Variants in NDST4 observed in about 807,000 individuals in gnomAD.
The protein encoded by NDST4 is N-heparan sulfate sulfotransferase 4.
Under a neutral mutation model 100.8 loss-of-function variants are expected in NDST4, and 63 were observed. The observed-to-expected ratio is 0.62, with a 90% CI of 0.51 to 0.77. The LOEUF (loss-of-function observed/expected upper bound fraction) is 0.77. NDST4 is among the 30% of genes least tolerant of loss of function. The pLI is 0.00. For missense variants in NDST4, 943 were observed against 1,018.4 expected (o/e 0.93, Z 1.01); for synonymous variants, 377 against 361.8 (o/e 1.04, Z -0.48).
At chr4:114,939,451 A>T (rs1170432821) in intron 4 of NDST4, among the ~76,000 whole-genome samples, 1 of 152,142 alleles carries the variant, frequency 6.6e-6, no homozygotes, top group Admixed American at 6.5e-5. Flanking sequence ...CAGTGTACAA[A>T]TCCTAATAGT....
At chr4:114,993,207 T>C (rs1727078349) in intron 2 of NDST4, among the ~76,000 whole-genome samples, 1 of 151,842 alleles carries the variant, frequency 6.6e-6, no homozygotes, top group Admixed American at 6.6e-5. Context: ...GATGCTAAGA[T>C]CCTAGGATTT....
intron 2 of NDST4, among the ~76,000 whole-genome samples, chr4:115,071,117 C>G (rs1729067709): frequency 6.6e-6 from 1 of 151,140 alleles, no homozygotes; most frequent in African/African-American, 2.4e-5. Context: ...TCAAAAAATA[C>G]TAATAATGAA....
At position 114,921,992 on chromosome 4, in the gene NDST4, T is replaced by G. The variant is rs1002639347; in HGVS notation, c.1536+13214A>C. 2.0e-5 allele frequency among the ~76,000 whole-genome samples: 3 copies of G among 149,182 alleles called. No individual in the cohort carries two copies. In the South Asian group the frequency reaches 6.3e-4, roughly 31 times the overall value. ...ACAACATTAACAATTCATGTGAAAG[T>G]GTTACAGTCGGTAGTTAGTCAGACC... On this transcript the variant is annotated intron_variant, in intron 6 of 13. Coordinates refer to ENST00000264363, the MANE Select transcript of NDST4 (RefSeq NM_022569.3).
At chr4:115,065,058 T>G (rs1314630909) in intron 2 of NDST4, among the ~76,000 whole-genome samples, 1 of 152,130 alleles carries the variant, frequency 6.6e-6, no homozygotes, top group African/African-American at 2.4e-5. Flanking sequence ...CTGAAAACAA[T>G]AGTGATGACA....
chr4:114,946,822 T>C (rs1725876461), intron 4 of NDST4, among the ~76,000 whole-genome samples: 1 of 152,202 alleles, frequency 6.6e-6, no homozygotes, highest in East Asian at 1.9e-4. Flanking sequence ...GGTTTTTACA[T>C]AAAAACATTG....
intron 1 of NDST4, among the ~76,000 whole-genome samples, chr4:115,089,784 C>G (rs1054726778): frequency 6.6e-6 from 1 of 151,748 alleles, no homozygotes; most frequent in African/African-American, 2.4e-5. Context: ...GAACAATGAT[C>G]TCAGAATCAA....
chr4:114,930,027 G>A (rs1036757), intron 6 of NDST4, among the ~76,000 whole-genome samples: 1 of 151,990 alleles, frequency 6.6e-6, no homozygotes, highest in Non-Finnish European at 1.5e-5. Flanking sequence ...GTATGATGAA[G>A]TGACTCTTAC....
intron 2 of NDST4, among the ~76,000 whole-genome samples, chr4:115,004,312 C>G (rs1418112904): frequency 6.6e-6 from 1 of 152,140 alleles, no homozygotes; most frequent in Non-Finnish European, 1.5e-5. Flanking sequence ...AAATTTGTAT[C>G]ATGATTTACC....
intron 6 of NDST4, among the ~76,000 whole-genome samples, chr4:114,893,818 C>T (rs1310707957): frequency 6.6e-6 from 1 of 152,092 alleles, no homozygotes; most frequent in African/African-American, 2.4e-5. Flanking sequence ...TTTGCCCATG[C>T]CTATGTCCTG....
chr4:115,019,196 A>C (rs1727754016), intron 2 of NDST4, among the ~76,000 whole-genome samples: 1 of 152,098 alleles, frequency 6.6e-6, no homozygotes, highest in Admixed American at 6.6e-5. Context: ...TGGCAAGTAT[A>C]TAATCTGAGC....
chr4:114,990,866 G>A (rs1356456638), intron 2 of NDST4, among the ~76,000 whole-genome samples: 3 of 151,980 alleles, frequency 2.0e-5, no homozygotes, highest in African/African-American at 7.2e-5. Flanking sequence ...ACGCACCGAG[G>A]CATTTCGCTG....
chr4:114,959,336 G>A (rs967852879), intron 4 of NDST4, among the ~76,000 whole-genome samples: 1 of 151,370 alleles, frequency 6.6e-6, no homozygotes, highest in African/African-American at 2.5e-5. Flanking sequence ...TCAATTTACT[G>A]TATTAGCTCA....
chr4:115,098,433 C>T (rs1258109058), intron 1 of NDST4, among the ~76,000 whole-genome samples: 1 of 151,992 alleles, frequency 6.6e-6, no homozygotes, highest in East Asian at 1.9e-4. Context: ...TAATTAGTTA[C>T]AATAGTCCAG....
chr4:115,043,317 G>C (rs1728393494), intron 2 of NDST4, among the ~76,000 whole-genome samples: 1 of 152,016 alleles, frequency 6.6e-6, no homozygotes, highest in Non-Finnish European at 1.5e-5. Context: ...TCCAAGTTTG[G>C]AGGATGATGT....
rs187790894 is a variant in NDST4 at position 115,068,518 on chromosome 4, A to T, written c.978+7541T>A. Among the ~76,000 whole-genome samples the T allele has an allele frequency of 1.1e-4, 16 of 152,172 alleles. No homozygotes were observed. The East Asian group carries it at 3.1e-3, about 29-fold the overall frequency. ...AAATTATTCTTTCTTTACAAAGTAA[A>T]TCAGTTCTGGCTGGGTGCGGTGGCT... On this transcript the variant is annotated intron_variant, in intron 2 of 13. Transcript: ENST00000264363.
rs189222024 is a variant in NDST4, at chr4:114,988,163, T to C, written c.979-10889A>G. 3.9e-3 allele frequency among the ~76,000 whole-genome samples: 590 copies of C among 152,052 alleles called. 5 individuals carry two copies. The highest frequency in any genetic ancestry group is 0.013 in the African/African-American group (548 of 41,536). ...ATTATAATTTTGATAAATATTATAG[T>C]ATATTTCTTAAAGCATCTTATTCTT... On this transcript the variant is annotated intron_variant, in intron 2 of 13. Coordinates refer to ENST00000264363, the MANE Select transcript of NDST4 (RefSeq NM_022569.3).
intron 2 of NDST4, among the ~76,000 whole-genome samples, chr4:114,983,355 A>C (rs117925286): frequency 6.6e-6 from 1 of 152,216 alleles, no homozygotes; most frequent in East Asian, 1.9e-4. Context: ...CACAGGGCAG[A>C]GTTGCCCAGG....
At chr4:114,832,233 GTGT>G (rs1269911629) in intron 12 of NDST4, among the ~76,000 whole-genome samples, 2 of 152,186 alleles carry the variant, frequency 1.3e-5, no homozygotes, top group African/African-American at 4.8e-5. Flanking sequence ...AATAGGCCTT[GTGT>G]TGTTGTTATT....
rs183004537 is a variant in NDST4 at position 114,851,390 on chromosome 4, T to C, written c.1816+1335A>G. 4.1e-4 allele frequency among the ~76,000 whole-genome samples: 63 copies of C among 152,336 alleles called. 1 individual carries two copies. The East Asian group carries it at 5.8e-3, about 14-fold the overall frequency. On this transcript the variant is annotated intron_variant, in intron 8 of 13. Coordinates refer to ENST00000264363, the MANE Select transcript of NDST4 (RefSeq NM_022569.3). The stretch of plus-strand genomic sequence containing the variant: ...TCCTTTGTTTTAACATCTTATTTGT[T>C]TGTTTGTCTTAGGAAAGCCAAAACC...
Sources: allele counts gnomAD v4.1 joint callset (sites outside exome capture counted in the v4.1 genomes callset), GRCh38; gene constraint gnomAD v4.1.1; transcripts MANE v1.5; gene names NCBI Gene and HGNC (gene_info 2026-07-23, HGNC 2026-07-21).